Variants in AFG2A observed in about 807,000 individuals in gnomAD.
AFG2A encodes the protein ATPase family gene 2 protein homolog A.
chr4:122,947,218 A>C, the AFG2A span: 1 of 1,504,844 alleles, frequency 6.6e-7, no homozygotes, highest in South Asian at 1.3e-5. Flanking sequence ...ATTTATTTTC[A>C]TTTTATTTTG....
the AFG2A span, among the ~76,000 whole-genome samples, chr4:123,005,537 T>C: frequency 6.6e-6 from 1 of 152,230 alleles, no homozygotes; most frequent in African/African-American, 2.4e-5. Flanking sequence ...TGCTTTATGC[T>C]AAATTTCTTC....
chr4:123,017,042 G>C, the AFG2A span, among the ~76,000 whole-genome samples: 1 of 152,082 alleles, frequency 6.6e-6, no homozygotes, highest in Non-Finnish European at 1.5e-5. Flanking sequence ...GAATCAGGCA[G>C]GGAGGCTGCA....
At chr4:122,935,064 T>C in the AFG2A span, among the ~76,000 whole-genome samples, 1 of 152,184 alleles carries the variant, frequency 6.6e-6, no homozygotes, top group Admixed American at 6.6e-5. Context: ...TCAAATACAT[T>C]AGGTAAAACT....
At chr4:123,003,413 GT>G in the AFG2A span, among the ~76,000 whole-genome samples, 1 of 152,160 alleles carries the variant, frequency 6.6e-6, no homozygotes, top group Admixed American at 6.5e-5. Flanking sequence ...TTTCTGCTCT[GT>G]TTTTTCCCCA....
the AFG2A span, among the ~76,000 whole-genome samples, chr4:123,004,190 A>G: frequency 1.5e-4 from 23 of 152,062 alleles, no homozygotes; most frequent in Non-Finnish European, 2.5e-4. Context: ...GGAGTGGCCC[A>G]ATTTTCCAGG....
chr4:123,141,667 A>G, the AFG2A span, among the ~76,000 whole-genome samples: 1 of 152,192 alleles, frequency 6.6e-6, no homozygotes, highest in Non-Finnish European at 1.5e-5. Context: ...GTTTATCAGA[A>G]TGGAACTCCG....
the AFG2A span, among the ~76,000 whole-genome samples, chr4:123,286,264 T>C: frequency 2.6e-5 from 4 of 152,170 alleles, no homozygotes; most frequent in Admixed American, 1.3e-4. Flanking sequence ...CTAAAAAAAA[T>C]CATTGTTACA....
the AFG2A span, among the ~76,000 whole-genome samples, chr4:123,222,827 T>A: frequency 6.6e-6 from 1 of 152,226 alleles, no homozygotes; most frequent in East Asian, 1.9e-4. Context: ...CTTAGCATAA[T>A]GCCTTCAAGT....
the AFG2A span, among the ~76,000 whole-genome samples, chr4:122,969,323 C>T: frequency 6.6e-6 from 1 of 151,764 alleles, no homozygotes; most frequent in Non-Finnish European, 1.5e-5. Flanking sequence ...ATGTGTTATA[C>T]CAGTTATTGA....
chr4:123,090,568 T>G, the AFG2A span: 1 of 1,613,638 alleles, frequency 6.2e-7, no homozygotes, highest in Non-Finnish European at 8.5e-7. Context: ...AAACCGTACT[T>G]TCAAAATCAG....
the AFG2A span, among the ~76,000 whole-genome samples, chr4:123,173,974 A>AG: frequency 1.3e-5 from 2 of 152,166 alleles, no homozygotes; most frequent in Non-Finnish European, 2.9e-5. Flanking sequence ...TAGTCCAATA[A>AG]GAAAAAAAAA....
the AFG2A span, among the ~76,000 whole-genome samples, chr4:123,168,797 A>G: frequency 2.0e-5 from 3 of 152,212 alleles, no homozygotes; most frequent in Admixed American, 1.3e-4. Context: ...ATACTTCCCT[A>G]TGGAAAAGGG....
the AFG2A span, among the ~76,000 whole-genome samples, chr4:123,104,297 C>G: frequency 2.0e-5 from 3 of 151,956 alleles, no homozygotes; most frequent in Admixed American, 6.6e-5. Context: ...CACCATAAAC[C>G]ACACCCATGT....
At chr4:123,306,532 T>C in the AFG2A span, among the ~76,000 whole-genome samples, 5 of 151,750 alleles carry the variant, frequency 3.3e-5, no homozygotes, top group Non-Finnish European at 7.4e-5. Context: ...ATATATATAT[T>C]CTAAAGCTTG....
chr4:123,173,340 G>GTT, the AFG2A span, among the ~76,000 whole-genome samples: 259 of 70,300 alleles, frequency 3.7e-3, 19 homozygotes, highest in African/African-American at 0.014. Flanking sequence ...AAGTCCAATG[G>GTT]TTTTTTTTTT....
At chr4:123,120,288 C>T in the AFG2A span, among the ~76,000 whole-genome samples, 1 of 151,732 alleles carries the variant, frequency 6.6e-6, no homozygotes, top group East Asian at 1.9e-4. Flanking sequence ...AAATTTCTGC[C>T]ATTATATTTT....
At chr4:123,059,861 TGGTA>T in the AFG2A span, among the ~76,000 whole-genome samples, 1 of 152,152 alleles carries the variant, frequency 6.6e-6, no homozygotes, top group African/African-American at 2.4e-5. Context: ...TGGTGTGAGA[TGGTA>T]TTTCATTGTG....
chr4:123,172,224 TAAAC>T, the AFG2A span, among the ~76,000 whole-genome samples: 1 of 152,216 alleles, frequency 6.6e-6, no homozygotes, highest in African/African-American at 2.4e-5. Context: ...GCTTCAATGA[TAAAC>T]AAAGTAAGAT....
At chr4:122,947,078 A>G in the AFG2A span, among the ~76,000 whole-genome samples, 8,144 of 152,280 alleles carry the variant, frequency 0.053, 524 homozygotes, top group African/African-American at 0.16. Flanking sequence ...TATTACTAAT[A>G]AAAGTAATTG....
Sources: gnomAD v4.1 joint callset for allele counts (sites outside exome capture counted in the v4.1 genomes callset) on GRCh38, gnomAD v4.1.1 for gene constraint, MANE v1.5 for transcripts, NCBI Gene and HGNC (gene_info 2026-07-23, HGNC 2026-07-21) for gene names.